NCOA7: variants seen among roughly 807,000 people sequenced by gnomAD.
NCOA7 encodes the protein 140 kDa estrogen receptor-associated protein.
A neutral mutation model predicts 104.3 loss-of-function variants in NCOA7; 45 were observed. The ratio of observed to expected loss-of-function variants is 0.43; its 90% confidence interval spans 0.34 to 0.55. The LOEUF (loss-of-function observed/expected upper bound fraction) is 0.55. NCOA7 is among the 20% of genes least tolerant of loss of function. The pLI is 0.02. For missense variants in NCOA7, 1,041 were observed against 1,119.7 expected (o/e 0.93, Z 1.00); for synonymous variants, 398 against 402.3 (o/e 0.99, Z 0.13).
intron 13 of NCOA7, among the ~76,000 whole-genome samples, chr6:125,926,503 T>A (rs1479107208): frequency 6.6e-6 from 1 of 152,228 alleles, no homozygotes; most frequent in Non-Finnish European, 1.5e-5. Context: ...ATTTTGATTG[T>A]ATTCTGGTTC....
intron 10 of NCOA7, among the ~76,000 whole-genome samples, chr6:125,905,823 C>T (rs946921484): frequency 4.6e-5 from 7 of 151,098 alleles, no homozygotes; most frequent in African/African-American, 1.7e-4. Flanking sequence ...TTTTTGGAGA[C>T]AGAGTCTTGC....
intron 10 of NCOA7, among the ~76,000 whole-genome samples, chr6:125,912,353 C>A (rs1470192940): frequency 6.8e-6 from 1 of 147,780 alleles, no homozygotes; most frequent in Non-Finnish European, 1.5e-5. Flanking sequence ...TTAGGAATTC[C>A]CTTTCTCTCC....
chr6:125,830,640 A>C (rs533587221), intron 2 of NCOA7, among the ~76,000 whole-genome samples: 1 of 152,024 alleles, frequency 6.6e-6, no homozygotes, highest in Admixed American at 6.6e-5. Flanking sequence ...CTGAGAAGTC[A>C]AGGCTGCAGT....
At chr6:125,914,917 T>C (rs556069598) in intron 10 of NCOA7, among the ~76,000 whole-genome samples, 1 of 152,370 alleles carries the variant, frequency 6.6e-6, no homozygotes, top group East Asian at 1.9e-4. Flanking sequence ...CAATAGTACT[T>C]TGATCTACAT....
At chr6:125,809,204 T>G (rs1776736239) in intron 1 of NCOA7, among the ~76,000 whole-genome samples, 1 of 152,194 alleles carries the variant, frequency 6.6e-6, no homozygotes, top group African/African-American at 2.4e-5. Context: ...TTTGTTTTTT[T>G]TTGAGAGAGA....
intron 3 of NCOA7, among the ~76,000 whole-genome samples, chr6:125,874,628 T>C (rs1037174949): frequency 2.6e-5 from 4 of 152,256 alleles, no homozygotes; most frequent in African/African-American, 7.2e-5. Flanking sequence ...ATAATCATTA[T>C]ACATTATCAT....
At position 125,925,625 on chromosome 6, in the gene NCOA7, A is replaced by G. The variant is rs187469373; in HGVS notation, c.2524-2038A>G. 1.2e-3 allele frequency among the ~76,000 whole-genome samples: 179 copies of G among 152,328 alleles called. 1 individual carries two copies. Among genetic ancestry groups the G allele is most frequent in the African/African-American group, 4.3e-3 (177 of 41,574 alleles). On this transcript the variant is annotated intron_variant, in intron 13 of 15. Coordinates refer to ENST00000392477, the MANE Select transcript of NCOA7 (RefSeq NM_181782.5). The stretch of plus-strand genomic sequence containing the variant: ...TTGTGGTACTAATGTTATAAATGTT[A>G]TATCTGTATATATTACAAATATAGC...
At chr6:125,878,861 C>T (rs766255051) in intron 5 of NCOA7, among the ~76,000 whole-genome samples, 4 of 152,166 alleles carry the variant, frequency 2.6e-5, no homozygotes, top group African/African-American at 9.7e-5. Flanking sequence ...TCACCCCTGC[C>T]CATGATCCAG....
At chr6:125,842,608 T>TTGTAAGGGATTATAAACAGCTTTG (rs1780273267) in intron 2 of NCOA7, among the ~76,000 whole-genome samples, 1 of 152,180 alleles carries the variant, frequency 6.6e-6, no homozygotes, top group Admixed American at 6.6e-5. Flanking sequence ...TTTCTTGGCT[T>TTGTAAGGGATTATAAACAGCTTTG]TGTAAGGGAT....
chr6:125,893,358 A>G (rs773119024), intron 10 of NCOA7, among the ~76,000 whole-genome samples: 6 of 152,248 alleles, frequency 3.9e-5, no homozygotes, highest in Non-Finnish European at 8.8e-5. Context: ...TTAAAAATTA[A>G]AACTCCTTGT....
At chr6:125,898,417 G>T (rs1223307756) in intron 10 of NCOA7, among the ~76,000 whole-genome samples, 1 of 152,160 alleles carries the variant, frequency 6.6e-6, no homozygotes, top group Non-Finnish European at 1.5e-5. Flanking sequence ...GAATATCAAA[G>T]AAATTAACCC....
intron 13 of NCOA7, 72 bp downstream of exon 13, chr6:125,922,906 T>C (rs1787712440): frequency 1.5e-6 from 2 of 1,349,164 alleles, no homozygotes; most frequent in Admixed American, 4.7e-5. Flanking sequence ...GAGAGACTAG[T>C]ACCATATACT....
At chr6:125,869,921 T>C (rs1203910450) in intron 3 of NCOA7, among the ~76,000 whole-genome samples, 1 of 152,240 alleles carries the variant, frequency 6.6e-6, no homozygotes, top group African/African-American at 2.4e-5. Context: ...GTGTTTATGC[T>C]TTATTTCGAA....
chr6:125,815,386 A>C lies in NCOA7; in HGVS notation c.32A>C (p.Lys11Thr), dbSNP rs779597306. The C allele has an allele frequency of 6.2e-7, 1 of 1,608,376 alleles. No individual in the cohort carries two copies. Among genetic ancestry groups the C allele is most frequent in the East Asian group, 2.2e-5 (1 of 44,738 alleles). The change falls in exon 2 of 16, where the codon AAA becomes ACA. Residue 11 changes from lysine to threonine, a missense_variant. Physicochemically the swap from Lys to Thr is moderately conservative, Grantham distance 78. Around this residue, in one of 2 missense-constraint regions of NCOA7, gnomAD observed 914 missense variants for 942.7 expected, o/e 0.97. Coordinates refer to ENST00000392477, the MANE Select transcript of NCOA7 (RefSeq NM_181782.5). MDTKEEKKERKQSYFARLKKK... is the reference protein window; with the variant it reads MDTKEEKKERTQSYFARLKKK... ...ACCAAGGAAGAGAAGAAGGAACGGAAACAAAGTTATTTTGCTCGGTAAGCA... is the reference window on the plus strand; with the variant it reads ...ACCAAGGAAGAGAAGAAGGAACGGACACAAAGTTATTTTGCTCGGTAAGCA...
chr6:125,901,454 A>T (rs1479585341), intron 10 of NCOA7, among the ~76,000 whole-genome samples: 1 of 152,206 alleles, frequency 6.6e-6, no homozygotes, highest in African/African-American at 2.4e-5. Flanking sequence ...CCTTTGTGGG[A>T]CTTGCAACAG....
chr6:125,928,052 G>A, intron 14 of NCOA7, 122 bp from the exon 15 acceptor site: 2 of 954,816 alleles, frequency 2.1e-6, no homozygotes, highest in Non-Finnish European at 3.3e-6. Flanking sequence ...TGGCAGTCAG[G>A]AACTTCCTCC....
chr6:125,851,714 T>C (rs1176526227), intron 2 of NCOA7, among the ~76,000 whole-genome samples: 1 of 152,214 alleles, frequency 6.6e-6, no homozygotes, highest in Non-Finnish European at 1.5e-5. Flanking sequence ...CCACCAGCAA[T>C]GTATAAGTGT....
At chr6:125,896,618 C>A (rs1029385063) in intron 10 of NCOA7, among the ~76,000 whole-genome samples, 1 of 152,044 alleles carries the variant, frequency 6.6e-6, no homozygotes, top group Non-Finnish European at 1.5e-5. Context: ...ATGGTGAAAT[C>A]ACATCTCTAC....
chr6:125,904,853 G>A (rs1023804970), intron 10 of NCOA7, among the ~76,000 whole-genome samples: 43 of 152,144 alleles, frequency 2.8e-4, no homozygotes, highest in Non-Finnish European at 6.0e-4. Context: ...TTATGAGCTC[G>A]ATTTTGCCTG....
Sources: allele counts gnomAD v4.1 joint callset (sites outside exome capture counted in the v4.1 genomes callset), GRCh38; gene constraint gnomAD v4.1.1; regional missense constraint gnomAD v4.1.1; transcripts MANE v1.5; gene names NCBI Gene and HGNC (gene_info 2026-07-23, HGNC 2026-07-21).